The following RBMS3 variants were observed in gnomAD, a reference collection of about 807,000 sequenced individuals.
RBMS3 encodes the protein RNA binding motif single stranded interacting protein 3, also known as RNA-binding motif, single-stranded-interacting protein 3.
A neutral mutation model predicts 66.8 loss-of-function variants in RBMS3; 27 were observed. The ratio of observed to expected loss-of-function variants is 0.40; its 90% confidence interval spans 0.30 to 0.56. The LOEUF (loss-of-function observed/expected upper bound fraction) is 0.56, where lower values mean the gene tolerates loss of function less well. RBMS3 is among the 20% of genes least tolerant of loss of function. RBMS3 has a pLI of 0.40. For missense variants in RBMS3, 513 were observed against 549.5 expected (o/e 0.93, Z 0.66); for synonymous variants, 188 against 183.0 (o/e 1.03, Z -0.22).
Position 29,750,704 on chromosome 3 carries a change from C to G in RBMS3, c.557+10827C>G, listed in dbSNP as rs138908075. ...TTTTCTGATCCTCTCCTTCCTCCCA[C>G]CTTCCACCTTCTGAAGGGCCCCAGT... On this transcript the variant is annotated intron_variant, in intron 5 of 14. Transcript: ENST00000383767. 1.7e-4 allele frequency among the ~76,000 whole-genome samples: 26 copies of G among 152,218 alleles called. No individual in the cohort carries two copies. In the East Asian group the frequency reaches 2.7e-3, roughly 16 times the overall value.
At chr3:29,717,861 G>A (rs552268234) in intron 4 of RBMS3, among the ~76,000 whole-genome samples, 58 of 152,164 alleles carry the variant, frequency 3.8e-4, no homozygotes, top group Non-Finnish European at 2.9e-5. Flanking sequence ...TGGCTTTTCT[G>A]CATCCTTAAC....
At chr3:29,530,258 C>T (rs1165125992) in intron 3 of RBMS3, among the ~76,000 whole-genome samples, 3 of 152,084 alleles carry the variant, frequency 2.0e-5, no homozygotes, top group Non-Finnish European at 4.4e-5. Flanking sequence ...TAATCAACAC[C>T]GATTCTGACA....
intron 1 of RBMS3, among the ~76,000 whole-genome samples, chr3:29,298,983 AATTT>A (rs1255795320): frequency 2.0e-5 from 3 of 151,874 alleles, no homozygotes; most frequent in African/African-American, 7.2e-5. Context: ...AGAAGTTGAT[AATTT>A]ATTTGAGAAA....
chr3:29,427,919 A>G (rs2041022930), intron 1 of RBMS3, among the ~76,000 whole-genome samples: 1 of 152,156 alleles, frequency 6.6e-6, no homozygotes. Flanking sequence ...TGCAAAAAAT[A>G]TTTAAAATTC....
intron 4 of RBMS3, among the ~76,000 whole-genome samples, chr3:29,669,117 C>T (rs2050887128): frequency 6.6e-6 from 1 of 152,206 alleles, no homozygotes. Flanking sequence ...TGACAAAAAG[C>T]TATTCTCCTT....
In RBMS3 at chr3:29,911,978, A is replaced by AATAGATAGATAG. The variant is rs112979723; in HGVS notation, c.939+12227_939+12228insATAGATAGATAG. Reference sequence around the variant, plus strand: ...TAGAAAAATGGAGAAACACATACATAATAGCTAGATAGATAGATAGATAGA... The same window carrying AATAGATAGATAG: ...TAGAAAAATGGAGAAACACATACATAATAGATAGATAGATAGCTAGATAGATAGATAGATAGA... On this transcript the variant is annotated intron_variant, in intron 10 of 14. Coordinates refer to ENST00000383767, the MANE Select transcript of RBMS3 (RefSeq NM_001003793.3). Among the ~76,000 whole-genome samples, 691 of 149,908 alleles carry AATAGATAGATAG rather than the reference A, an allele frequency of 4.6e-3. 5 individuals are homozygous for AATAGATAGATAG. The highest frequency in any genetic ancestry group is 0.016 in the African/African-American group (652 of 39,656).
At chr3:29,892,000 C>G (rs959701358) in intron 8 of RBMS3, among the ~76,000 whole-genome samples, 2 of 151,094 alleles carry the variant, frequency 1.3e-5, no homozygotes, top group Non-Finnish European at 3.0e-5. Context: ...AAAATTAAAC[C>G]CTGGGGTTAT....
intron 2 of RBMS3, among the ~76,000 whole-genome samples, chr3:29,484,546 G>A (rs1013018101): frequency 6.6e-6 from 1 of 152,170 alleles, no homozygotes; most frequent in African/African-American, 2.4e-5. Flanking sequence ...TTCTGAGGTA[G>A]TGAGGATTAC....
intron 2 of RBMS3, among the ~76,000 whole-genome samples, chr3:29,479,677 G>A (rs1018707088): frequency 6.6e-6 from 1 of 152,132 alleles, no homozygotes; most frequent in African/African-American, 2.4e-5. Context: ...AAGAAAAGGG[G>A]AAATTAGACA....
In RBMS3 at chr3:29,699,301, C is replaced by T. The variant is rs1180565567; in HGVS notation, c.400-40419C>T. ...AGTAGCTGGGACTACAGGCAAATGG[C>T]GCCAAACCCAGCTAATTTTTGTATT... On this transcript the variant is annotated intron_variant, in intron 4 of 14. Transcript: ENST00000383767. 3.9e-5 allele frequency among the ~76,000 whole-genome samples: 6 copies of T among 152,090 alleles called. No individual in the cohort carries two copies. The East Asian group carries it at 5.8e-4, about 15-fold the overall frequency.
chr3:29,813,639 A>G lies in RBMS3; in HGVS notation c.637+50650A>G, dbSNP rs554437293. Among the ~76,000 whole-genome samples the G allele has an allele frequency of 1.5e-4, 23 of 151,850 alleles. No individual in the cohort carries two copies. In the East Asian group the frequency reaches 2.9e-3, roughly 19 times the overall value. ...ATGGAATGTTCTTCCATTTGTTTCT[A>G]TCCTCTTTTTTTTCGTTGAGCCGTG... is the stretch of plus-strand genomic sequence containing the variant. On this transcript the variant is annotated intron_variant, in intron 6 of 14. Coordinates refer to ENST00000383767, the MANE Select transcript of RBMS3 (RefSeq NM_001003793.3).
At chr3:29,409,882 T>C (rs1165597925) in intron 1 of RBMS3, among the ~76,000 whole-genome samples, 1 of 152,202 alleles carries the variant, frequency 6.6e-6, no homozygotes, top group Non-Finnish European at 1.5e-5. Flanking sequence ...GATTTTTTTT[T>C]CATTACTTCA....
chr3:29,897,886 T>C (rs1334284244), intron 9 of RBMS3, among the ~76,000 whole-genome samples: 1 of 151,688 alleles, frequency 6.6e-6, no homozygotes, highest in African/African-American at 2.4e-5. Flanking sequence ...CATTTTGTCA[T>C]GGTTGTCCTG....
chr3:29,850,494 A>C (rs899784491), intron 6 of RBMS3, among the ~76,000 whole-genome samples: 1 of 152,028 alleles, frequency 6.6e-6, no homozygotes, highest in Non-Finnish European at 1.5e-5. Flanking sequence ...TATTTTTTGA[A>C]ATTACATGTT....
chr3:29,978,337 C>A lies in RBMS3; in HGVS notation c.1099-9806C>A, dbSNP rs1311531284. 2.6e-5 allele frequency among the ~76,000 whole-genome samples: 4 copies of A among 152,074 alleles called. No homozygotes were observed. The South Asian group carries it at 8.3e-4, about 32-fold the overall frequency. On this transcript the variant is annotated intron_variant, in intron 12 of 14. Coordinates refer to ENST00000383767, the MANE Select transcript of RBMS3 (RefSeq NM_001003793.3). ...GAACTGTAATACAAAAATGTTTACCCAGAGATAATAGTCTTAAGGGACATA... is the reference window on the plus strand; with the variant it reads ...GAACTGTAATACAAAAATGTTTACCAAGAGATAATAGTCTTAAGGGACATA...
intron 4 of RBMS3, among the ~76,000 whole-genome samples, chr3:29,667,041 A>C (rs2050794197): frequency 1.3e-5 from 2 of 152,224 alleles, no homozygotes; most frequent in African/African-American, 4.8e-5. Flanking sequence ...TTATCTAAAA[A>C]TGTAAATTAA....
At chr3:29,367,306 C>G (rs2037962765) in intron 1 of RBMS3, among the ~76,000 whole-genome samples, 1 of 151,964 alleles carries the variant, frequency 6.6e-6, no homozygotes, top group Non-Finnish European at 1.5e-5. Flanking sequence ...TATGCTAAAA[C>G]ATATATTCAA....
chr3:29,631,634 C>T (rs2049285269), intron 4 of RBMS3, among the ~76,000 whole-genome samples: 1 of 151,880 alleles, frequency 6.6e-6, no homozygotes, highest in Non-Finnish European at 1.5e-5. Context: ...AATAATCACA[C>T]ATGTCCCCGT....
intron 1 of RBMS3, among the ~76,000 whole-genome samples, chr3:29,350,800 T>C (rs2036864125): frequency 6.6e-6 from 1 of 151,860 alleles, no homozygotes. Context: ...AAATGTTTCA[T>C]AATCTACTGC....
Sources: allele counts gnomAD v4.1 joint callset (sites outside exome capture counted in the v4.1 genomes callset), GRCh38; gene constraint gnomAD v4.1.1; transcripts MANE v1.5; gene names NCBI Gene and HGNC (gene_info 2026-07-23, HGNC 2026-07-21).